Variants in GTPBP8 observed in about 807,000 individuals in gnomAD.
GTPBP8 encodes the protein GTP-binding protein 8.
Under a neutral mutation model 27.3 loss-of-function variants are expected in GTPBP8, and 21 were observed. The observed-to-expected ratio is 0.77, with a 90% confidence interval of 0.55 to 1.11. The LOEUF (loss-of-function observed/expected upper bound fraction) is 1.11, where lower values mean the gene tolerates loss of function less well. Among genes scored for constraint, GTPBP8 ranks in the 50% least tolerant of loss-of-function variants. The pLI, the probability that GTPBP8 is intolerant of heterozygous loss-of-function variation, is 0.00. For synonymous variants in GTPBP8, 147 were observed against 135.3 expected, an observed-to-expected ratio of 1.09 and a Z score of -0.60; for missense variants, 380 against 350.8, an observed-to-expected ratio of 1.08 and a Z score of -0.67.
intron 2 of GTPBP8, among the ~76,000 whole-genome samples, chr3:112,993,627 G>A (rs936032547): frequency 2.0e-5 from 3 of 152,012 alleles, no homozygotes; most frequent in South Asian, 2.1e-4. Flanking sequence ...TCTCAACGAC[G>A]CAGTCTCTGC....
intron 5 of GTPBP8, among the ~76,000 whole-genome samples, chr3:113,000,225 G>C (rs1434252636): frequency 1.3e-5 from 2 of 151,214 alleles, no homozygotes; most frequent in Non-Finnish European, 1.5e-5. Flanking sequence ...CCCATCTCTA[G>C]AAAAATTAAA....
intron 1 of GTPBP8, chr3:112,991,635 A>G (rs1033960844): frequency 2.9e-5 from 17 of 580,330 alleles, no homozygotes; most frequent in Non-Finnish European, 5.1e-5. Context: ...TTTGGAATGA[A>G]TATAGAAGAC....
At chr3:112,991,468 C>G (rs1039050263) in intron 1 of GTPBP8, 133 bp downstream of exon 1, 3 of 813,538 alleles carry the variant, frequency 3.7e-6, no homozygotes, top group Non-Finnish European at 4.2e-6. Context: ...TATTTTAACT[C>G]AATAGGCATA....
Position 112,995,281 on chromosome 3 carries a change from T to A in GTPBP8, c.566+16T>A, listed in dbSNP as rs762884560. On this transcript the variant is annotated intron_variant, in intron 3 of 5. Coordinates refer to ENST00000383678, the MANE Select transcript of GTPBP8 (RefSeq NM_014170.4). ...AACGAAGGAAGTAAGGAAAAGATTTTCTTATAATAGTTATACATTTAACCC... is the reference window on the plus strand; with the variant it reads ...AACGAAGGAAGTAAGGAAAAGATTTACTTATAATAGTTATACATTTAACCC... The A allele has an allele frequency of 3.6e-5, 56 of 1,551,802 alleles. No individual in the cohort carries two copies. In the East Asian group the frequency reaches 1.3e-3, roughly 35 times the overall value.
chr3:112,993,937 T>C (rs1399129970), intron 2 of GTPBP8, among the ~76,000 whole-genome samples: 2 of 152,240 alleles, frequency 1.3e-5, no homozygotes, highest in Admixed American at 6.5e-5. Flanking sequence ...TGATCACTTC[T>C]AAGTAGAGTG....
chr3:113,000,920 T>G lies in GTPBP8; in HGVS notation c.*1T>G, dbSNP rs747039158. On this transcript the variant is annotated 3_prime_UTR_variant, in exon 6 of 6. Coordinates refer to ENST00000383678, the MANE Select transcript of GTPBP8 (RefSeq NM_014170.4). ...CAGTGTAACAGGAAGTCTTGACTAA[T>G]GGTTCCCGGTTTAGCTGAAGATTCA... 6.6e-7 allele frequency: 1 copy of G among 1,512,122 alleles called. No individual in the cohort carries two copies. The highest frequency in any genetic ancestry group is 9.1e-7 in the Non-Finnish European group (1 of 1,101,842). The allele number at this position is 1,512,122 out of a possible 1,614,324, so 93.7% of individuals were successfully genotyped here.
At chr3:113,000,552 ATATT>A (rs749324660) in intron 5 of GTPBP8, among the ~76,000 whole-genome samples, 2 of 152,232 alleles carry the variant, frequency 1.3e-5, no homozygotes, top group Non-Finnish European at 2.9e-5. Context: ...AGGTAATTGA[ATATT>A]TATTACAAAA....
rs1200053143 is a variant in GTPBP8, at chr3:112,991,248, C to T, written c.249C>T (p.Asn83=). Residue 83 remains asparagine, a synonymous_variant, in exon 1 of 6, where the codon AAC becomes AAT. Coordinates refer to ENST00000383678, the MANE Select transcript of GTPBP8 (RefSeq NM_014170.4). ...PSPEDIARAD[N]IFTATERNRI... ...CGGAGGACATAGCCAGGGCGGACAA[C>T]ATCTTCACGGCCACTGAACGGAACC... The T allele has an allele frequency of 1.2e-6, 2 of 1,613,968 alleles. No homozygotes were observed. The highest frequency in any genetic ancestry group is 2.2e-5 in the East Asian group (1 of 44,890).
chr3:112,997,577 T>G (rs1164911456), intron 4 of GTPBP8, among the ~76,000 whole-genome samples: 2 of 152,182 alleles, frequency 1.3e-5, no homozygotes, highest in African/African-American at 2.4e-5. Flanking sequence ...TTTGTGAGAC[T>G]TCCAGAAAAA....
chr3:113,000,959 A>AAAG lies in GTPBP8; in HGVS notation c.*41_*42insAGA. 1 of 1,115,834 alleles carries AAAG rather than the reference A, an allele frequency of 9.0e-7. No homozygotes were observed. The allele number at this position is 1,115,834 out of a possible 1,614,324, so 69.1% of individuals were successfully genotyped here. A position where few individuals can be genotyped will look rare whatever the true frequency, so the allele number is the denominator to read the frequency against. Reference sequence around the variant, plus strand: ...GCTGAAGATTCAAAAAAAAAAAAAAAAGCTTTATGCTAACTGGAGTTAAAT... The same window carrying AAAG: ...GCTGAAGATTCAAAAAAAAAAAAAAAAAGAGCTTTATGCTAACTGGAGTTAAAT... On this transcript the variant is annotated 3_prime_UTR_variant, in exon 6 of 6. Transcript: ENST00000383678.
chr3:112,991,380 C>G, intron 1 of GTPBP8, 45 bp downstream of exon 1: 1 of 1,557,682 alleles, frequency 6.4e-7, no homozygotes, highest in South Asian at 1.1e-5. Flanking sequence ...GGCGTCACAG[C>G]GCTAACCGCT....
In GTPBP8 at chr3:113,001,178, G is replaced by A; in HGVS notation, c.*259G>A. 2 of 326,524 alleles carry A rather than the reference G, an allele frequency of 6.1e-6. No homozygotes were observed. The highest frequency in any genetic ancestry group is 1.1e-5 in the Non-Finnish European group (2 of 179,338). 20.2% of individuals were successfully genotyped at this position (326,524 alleles called of 1,614,324 possible). ...CCCCTATTTTAACAAACTGACAAGAGCACATCCATAAAATGAAAACCTGTT... is the reference window on the plus strand; with the variant it reads ...CCCCTATTTTAACAAACTGACAAGAACACATCCATAAAATGAAAACCTGTT... On this transcript the variant is annotated 3_prime_UTR_variant, in exon 6 of 6. Coordinates refer to ENST00000383678, the MANE Select transcript of GTPBP8 (RefSeq NM_014170.4).
At chr3:112,995,087 G>C in intron 2 of GTPBP8, 48 bp from the exon 3 acceptor site, 2 of 1,389,630 alleles carry the variant, frequency 1.4e-6, no homozygotes, top group Non-Finnish European at 2.0e-6. Context: ...TTAACTAGAT[G>C]GAGGACATAT....
intron 1 of GTPBP8, chr3:112,992,147 G>A (rs182749232): frequency 6.6e-6 from 1 of 152,144 alleles, no homozygotes; most frequent in Non-Finnish European, 1.5e-5. Context: ...CTAAATTACT[G>A]GACTTTTTTG....
At chr3:112,994,226 C>G (rs1393557308) in intron 2 of GTPBP8, among the ~76,000 whole-genome samples, 2 of 152,110 alleles carry the variant, frequency 1.3e-5, no homozygotes, top group Non-Finnish European at 2.9e-5. Flanking sequence ...GAGTTCGAGA[C>G]CAGCCTGACC....
At chr3:113,000,758 AATC>A (rs1933885185) in intron 5 of GTPBP8, 89 bp from the exon 6 acceptor site, 3 of 744,614 alleles carry the variant, frequency 4.0e-6, no homozygotes, top group African/African-American at 1.8e-5. Context: ...TCATATATGA[AATC>A]ATAAGAATTT....
chr3:112,993,851 A>G (rs1192242350), intron 2 of GTPBP8, among the ~76,000 whole-genome samples: 8 of 152,148 alleles, frequency 5.3e-5, no homozygotes, highest in Non-Finnish European at 8.8e-5. Context: ...CTCTGGCTCC[A>G]TCGCTAATGA....
chr3:112,994,898 GTTC>G (rs1933754587), intron 2 of GTPBP8, among the ~76,000 whole-genome samples: 2 of 152,248 alleles, frequency 1.3e-5, no homozygotes, highest in East Asian at 1.9e-4. Flanking sequence ...GGAATCTAAA[GTTC>G]TTCTTAAGTC....
intron 2 of GTPBP8, among the ~76,000 whole-genome samples, chr3:112,993,853 C>T (rs990081368): frequency 2.6e-5 from 4 of 152,158 alleles, no homozygotes; most frequent in Non-Finnish European, 4.4e-5. Context: ...CTGGCTCCAT[C>T]GCTAATGATT....
Sources: gnomAD v4.1 joint callset for allele counts (sites outside exome capture counted in the v4.1 genomes callset) on GRCh38, gnomAD v4.1.1 for gene constraint, MANE v1.5 for transcripts, NCBI Gene and HGNC (gene_info 2026-07-23, HGNC 2026-07-21) for gene names.